Variants in PRIMA1 observed in about 807,000 individuals in gnomAD.
PRIMA1 encodes the protein proline-rich membrane anchor 1.
PRIMA1 carries 7 observed loss-of-function variants against 17.5 expected under a neutral mutation model. The ratio of observed to expected loss-of-function variants is 0.40; its 90% CI spans 0.23 to 0.75. The LOEUF is 0.75. PRIMA1 is among the 30% of genes least tolerant of loss of function. PRIMA1 has a pLI of 0.37. For synonymous variants in PRIMA1, 97 were observed against 77.9 expected (o/e 1.25, Z -1.29); for missense variants, 200 against 201.8 (o/e 0.99, Z 0.05).
At chr14:93,722,836 T>C (rs560572456) in intron 4 of PRIMA1, among the ~76,000 whole-genome samples, 3 of 3,912 alleles carry the variant, frequency 7.7e-4, no homozygotes, top group East Asian at 4.3e-3. Context: ...GCAGCGGTGG[T>C]AGCAATGATG....
chr14:93,771,042 C>A (rs1201745368), intron 3 of PRIMA1, among the ~76,000 whole-genome samples: 2 of 115,866 alleles, frequency 1.7e-5, no homozygotes, highest in African/African-American at 6.3e-5. Context: ...ATGAAAAATT[C>A]AAAGTGAGTG....
At chr14:93,776,507 C>T (rs61980303) in intron 3 of PRIMA1, among the ~76,000 whole-genome samples, 7,147 of 152,234 alleles carry the variant, frequency 0.047, 297 homozygotes, top group Admixed American at 0.13. Flanking sequence ...TCAAGAGACC[C>T]CCACCTGACT....
chr14:93,782,291 A>AATAC (rs1555418927), intron 2 of PRIMA1, among the ~76,000 whole-genome samples: 19 of 149,094 alleles, frequency 1.3e-4, no homozygotes, highest in South Asian at 4.3e-4. Context: ...TAAATAAATA[A>AATAC]ATACATACAT....
chr14:93,777,484 C>T (rs561905148), intron 3 of PRIMA1, among the ~76,000 whole-genome samples: 1 of 152,134 alleles, frequency 6.6e-6, no homozygotes, highest in South Asian at 2.1e-4. Flanking sequence ...TTACAGGCGC[C>T]TGCCACCAAC....
chr14:93,779,262 C>T lies in PRIMA1; in HGVS notation c.143G>A (p.Cys48Tyr). ...QKSCSKVTDS[C>Y]RHVCQCRPPP... ...GGGCCGGCACTGGCAGACGTGTCGG[C>T]AGCTGTCAGTCACTTTGGAGCAGGA... Residue 48 changes from cysteine (C) to tyrosine (Y), a missense_variant, in exon 3 of 5, where the codon TGC becomes TAC. Physicochemically the swap from Cys to Tyr is radical, Grantham distance 194. Coordinates refer to ENST00000393140, the MANE Select transcript of PRIMA1 (RefSeq NM_178013.4). The T allele has an allele frequency of 6.5e-7, 1 of 1,541,878 alleles. No individual in the cohort carries two copies. Among genetic ancestry groups the T allele is most frequent in the Non-Finnish European group, 8.7e-7 (1 of 1,151,768 alleles).
At chr14:93,788,826 C>T (rs77194521), upstream of PRIMA1, among the ~76,000 whole-genome samples, 1 of 151,898 alleles carries the variant, frequency 6.6e-6, no homozygotes, top group Non-Finnish European at 1.5e-5. Context: ...CTCCACGCCG[C>T]CTGGAGCCGG....
chr14:93,775,530 C>T (rs1012406753), intron 3 of PRIMA1, among the ~76,000 whole-genome samples: 1 of 152,154 alleles, frequency 6.6e-6, no homozygotes, highest in Non-Finnish European at 1.5e-5. Flanking sequence ...CAGAGTTACG[C>T]TCTTATTGCC....
intron 3 of PRIMA1, among the ~76,000 whole-genome samples, chr14:93,747,695 CAT>C (rs922020499): frequency 7.5e-5 from 11 of 147,398 alleles, no homozygotes; most frequent in South Asian, 2.2e-4. Context: ...CATGGGAGTG[CAT>C]ATGAGTGTGT....
At chr14:93,727,056 CG>C (rs1276011392) in intron 4 of PRIMA1, among the ~76,000 whole-genome samples, 6 of 152,168 alleles carry the variant, frequency 3.9e-5, no homozygotes, top group Admixed American at 3.9e-4. Flanking sequence ...AGGGCGTCAC[CG>C]TGAGAAGCAG....
intron 3 of PRIMA1, among the ~76,000 whole-genome samples, chr14:93,740,043 T>A (rs1595197838): frequency 1.4e-5 from 2 of 147,248 alleles, no homozygotes; most frequent in East Asian, 2.0e-4. Context: ...CCAGCCTGGG[T>A]GACAGAGCAA....
At chr14:93,728,854 G>A (rs566298175) in intron 4 of PRIMA1, among the ~76,000 whole-genome samples, 4 of 152,328 alleles carry the variant, frequency 2.6e-5, no homozygotes, top group South Asian at 4.1e-4. Flanking sequence ...AAGCAGGCTC[G>A]TCCCTGCTGC....
chr14:93,774,734 C>G (rs538596185), intron 3 of PRIMA1, among the ~76,000 whole-genome samples: 1 of 152,342 alleles, frequency 6.6e-6, no homozygotes, highest in East Asian at 1.9e-4. Flanking sequence ...CCTCTTTATC[C>G]CCCAAGTCTG....
chr14:93,744,755 C>T (rs1001345137), intron 3 of PRIMA1, among the ~76,000 whole-genome samples: 1 of 152,140 alleles, frequency 6.6e-6, no homozygotes, highest in Admixed American at 6.5e-5. Context: ...CTCCCCAATT[C>T]CTCCCTCCAA....
rs995177611 is a variant in PRIMA1, at chr14:93,718,918, C to T, written c.*2526G>A. The stretch of plus-strand genomic sequence containing the variant: ...GGATCGGTGTGTGTCTAGAGACTGC[C>T]GGCTCATTTTAAATAAAAGTTCTAA... On this transcript the variant is annotated 3_prime_UTR_variant, in exon 5 of 5. Transcript: ENST00000393140. 4 of 152,162 alleles carry T rather than the reference C, an allele frequency of 2.6e-5. No individual in the cohort carries two copies. The highest frequency in any genetic ancestry group is 4.8e-5 in the African/African-American group (2 of 41,374). 9.4% of individuals were successfully genotyped at this position (152,162 alleles called of 1,614,324 possible). A position where few individuals can be genotyped will look rare whatever the true frequency, so the allele number is the denominator to read the frequency against.
chr14:93,760,822 T>G (rs1221974335), intron 3 of PRIMA1, among the ~76,000 whole-genome samples: 1 of 152,136 alleles, frequency 6.6e-6, no homozygotes, highest in Non-Finnish European at 1.5e-5. Context: ...ACACTACATC[T>G]GGCACCTATC....
chr14:93,772,618 C>T (rs997103165), intron 3 of PRIMA1, among the ~76,000 whole-genome samples: 2 of 152,254 alleles, frequency 1.3e-5, no homozygotes, highest in African/African-American at 4.8e-5. Context: ...CTAGCTCTGC[C>T]AGGGTTCATG....
In PRIMA1 at chr14:93,747,655, AGT is replaced by A. The variant is rs750914474; in HGVS notation, c.230-10287_230-10286del. On this transcript the variant is annotated intron_variant, in intron 3 of 4. Transcript: ENST00000393140. ...TGAGTGCATGGGAGTATTGTGTATG[AGT>A]GTGTGAGAGTGAGTGTGTGACAGAG... Among the ~76,000 whole-genome samples, 138 of 145,248 alleles carry A rather than the reference AGT, an allele frequency of 9.5e-4. 1 individual carries two copies. Among genetic ancestry groups the A allele is most frequent in the South Asian group, 2.7e-3 (12 of 4,450 alleles).
intron 3 of PRIMA1, among the ~76,000 whole-genome samples, chr14:93,763,860 C>G (rs1167399989): frequency 6.6e-6 from 1 of 152,238 alleles, no homozygotes; most frequent in East Asian, 1.9e-4. Flanking sequence ...GCCTCCACCC[C>G]ACATCCTTGG....
At chr14:93,783,074 C>CT (rs1310923017) in intron 2 of PRIMA1, among the ~76,000 whole-genome samples, 6 of 152,200 alleles carry the variant, frequency 3.9e-5, no homozygotes, top group African/African-American at 7.2e-5. Context: ...CTCAATGCTG[C>CT]TGCTTTATTC....
Sources: gnomAD v4.1 joint callset for allele counts (sites outside exome capture counted in the v4.1 genomes callset) on GRCh38, gnomAD v4.1.1 for gene constraint, MANE v1.5 for transcripts, NCBI Gene and HGNC (gene_info 2026-07-23, HGNC 2026-07-21) for gene names.